SPATA16: variants seen among roughly 807,000 people sequenced by gnomAD.
SPATA16 encodes the protein spermatogenesis associated 16.
SPATA16 carries 36 observed loss-of-function variants against 63.3 expected under a neutral mutation model. That is an observed-to-expected ratio of 0.57 (90% CI 0.44 to 0.75). SPATA16 has a LOEUF of 0.75. SPATA16 is among the 30% of genes least tolerant of loss of function. The probability of loss-of-function intolerance (pLI) is 0.00; values close to 1 mark genes in which losing one functional copy is unlikely to be tolerated. For synonymous variants in SPATA16, 203 were observed against 216.7 expected, an observed-to-expected ratio of 0.94 and a Z score of 0.56; for missense variants, 646 against 679.3, an observed-to-expected ratio of 0.95 and a Z score of 0.54.
rs560809586 is a variant in SPATA16, at chr3:172,992,811, G to A, written c.849-15759C>T. ...AAAGGACTCCTCCCATCAAAGGGTT[G>A]GAGCTTGCACCCCTGAGAGACAATG... On this transcript the variant is annotated intron_variant, in intron 4 of 10. Coordinates refer to ENST00000351008, the MANE Select transcript of SPATA16 (RefSeq NM_031955.6). Among the ~76,000 whole-genome samples, 22 of 152,240 alleles carry A rather than the reference G, an allele frequency of 1.4e-4. No individual in the cohort carries two copies. The South Asian group carries it at 4.6e-3, about 32-fold the overall frequency.
chr3:172,963,156 A>G (rs1249532697), intron 5 of SPATA16, among the ~76,000 whole-genome samples: 1 of 152,108 alleles, frequency 6.6e-6, no homozygotes, highest in Admixed American at 6.5e-5. Context: ...GATGCTGAAT[A>G]TTACCCTGGG....
rs528721407 is a variant in SPATA16, at chr3:173,027,673, T to C, written c.759-8098A>G. Among the ~76,000 whole-genome samples the C allele has an allele frequency of 1.1e-4, 16 of 151,986 alleles. 1 individual carries two copies. In the South Asian group the frequency reaches 2.9e-3, roughly 28 times the overall value. ...TCTCATTTTAGAGAGTGTTTTCTGCTTCTTGTCTAGTGGTAGCAGAACTCC... is the reference window on the plus strand; with the variant it reads ...TCTCATTTTAGAGAGTGTTTTCTGCCTCTTGTCTAGTGGTAGCAGAACTCC... On this transcript the variant is annotated intron_variant, in intron 3 of 10. Transcript: ENST00000351008.
At chr3:173,026,362 C>A (rs1735453832) in intron 3 of SPATA16, among the ~76,000 whole-genome samples, 1 of 151,828 alleles carries the variant, frequency 6.6e-6, no homozygotes, top group African/African-American at 2.4e-5. Context: ...ATATACTGCA[C>A]ATATTTTTCT....
Position 173,048,951 on chromosome 3 carries a change from G to T in SPATA16, c.756C>A (p.His252Gln). The T allele has an allele frequency of 6.2e-7, 1 of 1,613,702 alleles. No individual in the cohort carries two copies. The highest frequency in any genetic ancestry group is 2.2e-5 in the East Asian group (1 of 44,858). ...CACTTATTAGTATATGATTTTACCTGTGTGCATGATTCAGGGCAAGATCTG... is the reference window on the plus strand; with the variant it reads ...CACTTATTAGTATATGATTTTACCTTTGTGCATGATTCAGGGCAAGATCTG... ...RKPDLALNHAHRSIVLNPAYF... is the reference protein window; with the variant it reads ...RKPDLALNHAQRSIVLNPAYF... The change falls in exon 3 of 11, where the codon CAC (histidine) becomes CAA (glutamine). Residue 252 changes from histidine to glutamine, a missense_variant and splice_region_variant. Coordinates refer to ENST00000351008, the MANE Select transcript of SPATA16 (RefSeq NM_031955.6).
intron 10 of SPATA16, among the ~76,000 whole-genome samples, chr3:172,906,844 C>T (rs1365058101): frequency 6.6e-6 from 1 of 152,160 alleles, no homozygotes; most frequent in Non-Finnish European, 1.5e-5. Context: ...GGGGTTCAAG[C>T]AATTCTCCTG....
chr3:173,003,300 A>G (rs1734867309), intron 4 of SPATA16, among the ~76,000 whole-genome samples: 1 of 152,202 alleles, frequency 6.6e-6, no homozygotes, highest in African/African-American at 2.4e-5. Flanking sequence ...AATGCTCAGT[A>G]AATATACTTA....
intron 2 of SPATA16, among the ~76,000 whole-genome samples, chr3:173,069,729 A>G (rs13097234): frequency 0.16 from 23,748 of 152,176 alleles, 2,041 homozygotes; most frequent in South Asian, 0.29. Context: ...AGATACAAAA[A>G]TCCTCAACAA....
chr3:172,891,685 T>A lies in SPATA16; in HGVS notation c.1588-1993A>T, dbSNP rs548122701. ...TGCTGTCTAACATCAATCCATCTGC[T>A]TTAGCCATGTGGGACATCTCTCAAT... On this transcript the variant is annotated intron_variant, in intron 10 of 10. Coordinates refer to ENST00000351008, the MANE Select transcript of SPATA16 (RefSeq NM_031955.6). 1.1e-3 allele frequency among the ~76,000 whole-genome samples: 170 copies of A among 152,348 alleles called. 1 individual carries two copies. Among genetic ancestry groups the A allele is most frequent in the Admixed American group, 2.0e-3 (31 of 15,298 alleles).
At chr3:173,071,543 A>T (rs1736674194) in intron 2 of SPATA16, among the ~76,000 whole-genome samples, 1 of 152,174 alleles carries the variant, frequency 6.6e-6, no homozygotes, top group Non-Finnish European at 1.5e-5. Context: ...GGGAGAAAAT[A>T]TTTGCAGACT....
chr3:172,971,812 T>C (rs1211956031), intron 5 of SPATA16, among the ~76,000 whole-genome samples: 1 of 152,188 alleles, frequency 6.6e-6, no homozygotes, highest in Non-Finnish European at 1.5e-5. Flanking sequence ...TGCTATTTTT[T>C]GCTTTGAATG....
At chr3:173,056,179 T>C (rs542705722) in intron 2 of SPATA16, among the ~76,000 whole-genome samples, 12 of 152,184 alleles carry the variant, frequency 7.9e-5, no homozygotes, top group Non-Finnish European at 1.6e-4. Flanking sequence ...TCTTCATCAT[T>C]ATGTCTGTTG....
At chr3:173,027,071 G>C (rs966132794) in intron 3 of SPATA16, among the ~76,000 whole-genome samples, 7 of 151,626 alleles carry the variant, frequency 4.6e-5, no homozygotes, top group African/African-American at 1.7e-4. Flanking sequence ...CATAATTAAG[G>C]CTTTATTTAA....
chr3:173,121,619 AT>A (rs150284990), intron 1 of SPATA16, among the ~76,000 whole-genome samples: 2,735 of 152,284 alleles, frequency 0.018, 93 homozygotes, highest in African/African-American at 0.063. Flanking sequence ...AAGCAGAAAT[AT>A]ACTTTACTCT....
At chr3:172,908,318 A>G (rs1392112) in intron 10 of SPATA16, among the ~76,000 whole-genome samples, 1 of 151,492 alleles carries the variant, frequency 6.6e-6, no homozygotes, top group East Asian at 1.9e-4. Context: ...ACCTTTTTTT[A>G]AAAAAAAATC....
chr3:173,012,299 C>T (rs946485088), intron 4 of SPATA16, among the ~76,000 whole-genome samples: 1 of 152,116 alleles, frequency 6.6e-6, no homozygotes, highest in Non-Finnish European at 1.5e-5. Context: ...AATGGAAAAA[C>T]ATGCCAGACT....
chr3:172,987,445 G>A (rs183637175), intron 4 of SPATA16, among the ~76,000 whole-genome samples: 33 of 152,286 alleles, frequency 2.2e-4, no homozygotes, highest in African/African-American at 7.0e-4. Flanking sequence ...GGACAGTCAA[G>A]CATCAGTTCT....
At chr3:173,088,646 A>G (rs1737147370) in intron 2 of SPATA16, among the ~76,000 whole-genome samples, 1 of 152,160 alleles carries the variant, frequency 6.6e-6, no homozygotes, top group Non-Finnish European at 1.5e-5. Flanking sequence ...AGAGGAAAGG[A>G]ACTGTATAGG....
At chr3:173,095,863 A>C (rs1189971520) in intron 2 of SPATA16, among the ~76,000 whole-genome samples, 1 of 152,164 alleles carries the variant, frequency 6.6e-6, no homozygotes, top group East Asian at 1.9e-4. Flanking sequence ...TACATTATCT[A>C]GCTATTAACT....
At chr3:173,061,498 G>C (rs1295391371) in intron 2 of SPATA16, among the ~76,000 whole-genome samples, 2 of 152,170 alleles carry the variant, frequency 1.3e-5, no homozygotes, top group Non-Finnish European at 2.9e-5. Flanking sequence ...TATATGGAGG[G>C]ATGAGAATTA....
Sources: allele counts gnomAD v4.1 joint callset (sites outside exome capture counted in the v4.1 genomes callset), GRCh38; gene constraint gnomAD v4.1.1; transcripts MANE v1.5; gene names NCBI Gene and HGNC (gene_info 2026-07-23, HGNC 2026-07-21).